The following ANKRD44 variants were observed in gnomAD, a reference collection of about 807,000 sequenced individuals.
ANKRD44 encodes the protein serine/threonine-protein phosphatase 6 regulatory ankyrin repeat subunit B.
ANKRD44 carries 35 observed loss-of-function variants against 116.0 expected under a neutral mutation model. The observed-to-expected ratio is 0.30, with a 90% confidence interval of 0.23 to 0.40. The LOEUF (loss-of-function observed/expected upper bound fraction) is 0.40, where lower values mean the gene tolerates loss of function less well. Among genes scored for constraint, ANKRD44 ranks in the 10% least tolerant of loss-of-function variants. The probability of loss-of-function intolerance (pLI) is 1.00; values close to 1 mark genes in which losing one functional copy is unlikely to be tolerated. For synonymous variants in ANKRD44, 435 were observed against 461.8 expected (o/e 0.94, Z 0.74); for missense variants, 1,014 against 1,242.6 (o/e 0.82, Z 2.77).
chr2:197,045,493 A>T (rs1283687912), intron 16 of ANKRD44, among the ~76,000 whole-genome samples: 1 of 152,140 alleles, frequency 6.6e-6, no homozygotes, highest in Non-Finnish European at 1.5e-5. Flanking sequence ...CACCCCTGTT[A>T]TTCATTCATA....
intron 1 of ANKRD44, among the ~76,000 whole-genome samples, chr2:197,269,235 T>C (rs903069061): frequency 3.3e-5 from 5 of 152,238 alleles, no homozygotes; most frequent in African/African-American, 9.6e-5. Flanking sequence ...CCTGTTCCAG[T>C]GTAAACTGGC....
At chr2:197,294,134 T>G (rs1335196682) in intron 1 of ANKRD44, among the ~76,000 whole-genome samples, 2 of 152,192 alleles carry the variant, frequency 1.3e-5, no homozygotes, top group South Asian at 2.1e-4. Flanking sequence ...ACCAGACAAT[T>G]TATAATATTG....
intron 16 of ANKRD44, chr2:197,078,445 G>T: frequency 1.1e-6 from 1 of 934,224 alleles, no homozygotes; most frequent in Non-Finnish European, 1.5e-6. Context: ...AAATGGTACT[G>T]CCTTATATCG....
rs375105826 is a variant in ANKRD44, at chr2:197,008,948, C to G, written c.2008G>C (p.Gly670Arg). 5 of 1,613,944 alleles carry G rather than the reference C, an allele frequency of 3.1e-6. No homozygotes were observed. Among genetic ancestry groups the G allele is most frequent in the Non-Finnish European group, 4.2e-6 (5 of 1,179,948 alleles). ...PEAVDVKDAK[G>R]QTPLMLAVAY... Reference sequence around the variant, plus strand: ...GCCACGTGTGAGCGCACTTACTGTCCTTTGGCATCTTTCACATCGACCGCC... The same window carrying G: ...GCCACGTGTGAGCGCACTTACTGTCGTTTGGCATCTTTCACATCGACCGCC... The change falls in exon 19 of 28, where the codon GGA becomes CGA. Residue 670 changes from glycine to arginine, a missense_variant. Coordinates refer to ENST00000282272, the MANE Select transcript of ANKRD44 (RefSeq NM_001195144.2).
intron 13 of ANKRD44, among the ~76,000 whole-genome samples, chr2:197,084,601 T>A (rs2077877328): frequency 1.3e-5 from 2 of 152,156 alleles, no homozygotes; most frequent in Admixed American, 1.3e-4. Context: ...CTAAATCACA[T>A]CCCCTCTCTG....
At chr2:197,242,038 G>A (rs1230323063) in intron 1 of ANKRD44, among the ~76,000 whole-genome samples, 2 of 152,002 alleles carry the variant, frequency 1.3e-5, no homozygotes, top group South Asian at 2.1e-4. Context: ...TTGCTAGGGT[G>A]CATTATAAGT....
chr2:197,204,538 G>C (rs963856573), intron 1 of ANKRD44, among the ~76,000 whole-genome samples: 1 of 152,168 alleles, frequency 6.6e-6, no homozygotes, highest in Non-Finnish European at 1.5e-5. Flanking sequence ...AGTGGTGAAG[G>C]CTGCAACAAT....
intron 1 of ANKRD44, among the ~76,000 whole-genome samples, chr2:197,301,829 A>G (rs1394785981): frequency 3.9e-5 from 6 of 152,244 alleles, no homozygotes; most frequent in African/African-American, 1.4e-4. Context: ...TTGTCCTGTT[A>G]TCTATATCTT....
At position 197,104,088 on chromosome 2, in the gene ANKRD44, A is replaced by G. The variant is rs1297940393; in HGVS notation, c.986-4158T>C. On this transcript the variant is annotated intron_variant, in intron 9 of 27. Coordinates refer to ENST00000282272, the MANE Select transcript of ANKRD44 (RefSeq NM_001195144.2). ...AACACAGGAATGAACATATTTACAA[A>G]TAGTCTTTACATTTCAGATGATTTC... 2.0e-5 allele frequency among the ~76,000 whole-genome samples: 3 copies of G among 152,142 alleles called. No individual in the cohort carries two copies. The East Asian group carries it at 5.8e-4, about 29-fold the overall frequency.
chr2:197,141,854 A>C (rs1307860251), intron 3 of ANKRD44, among the ~76,000 whole-genome samples: 3 of 152,178 alleles, frequency 2.0e-5, no homozygotes, highest in African/African-American at 7.2e-5. Flanking sequence ...CACTTTCAAG[A>C]GTCTTGTTTA....
intron 3 of ANKRD44, among the ~76,000 whole-genome samples, chr2:197,137,351 G>A (rs913564527): frequency 2.2e-4 from 33 of 152,194 alleles, no homozygotes; most frequent in Non-Finnish European, 3.1e-4. Flanking sequence ...TGAGGACAGA[G>A]AGTGGAGAAA....
chr2:197,056,723 G>T (rs1178061032), intron 16 of ANKRD44, among the ~76,000 whole-genome samples: 1 of 151,990 alleles, frequency 6.6e-6, no homozygotes, highest in Admixed American at 6.6e-5. Context: ...AGTTAAATTT[G>T]TTTTTCTTGC....
At chr2:197,023,493 T>C (rs1284515125) in intron 17 of ANKRD44, among the ~76,000 whole-genome samples, 1 of 151,916 alleles carries the variant, frequency 6.6e-6, no homozygotes, top group Non-Finnish European at 1.5e-5. Context: ...TTAAATGATA[T>C]CACCACCCTA....
intron 16 of ANKRD44, among the ~76,000 whole-genome samples, chr2:197,036,290 ACT>A (rs968375454): frequency 1.5e-4 from 23 of 152,074 alleles, no homozygotes; most frequent in African/African-American, 5.1e-4. Context: ...ACAGAGTCTC[ACT>A]CTGTCACCCA....
At chr2:197,101,484 AAC>A (rs1211417890) in intron 9 of ANKRD44, among the ~76,000 whole-genome samples, 1 of 152,350 alleles carries the variant, frequency 6.6e-6, no homozygotes, top group East Asian at 1.9e-4. Context: ...TGGGAAAAGA[AAC>A]AGCCCTGAAA....
chr2:197,143,532 G>A (rs901577943), intron 3 of ANKRD44, among the ~76,000 whole-genome samples: 15 of 151,838 alleles, frequency 9.9e-5, no homozygotes, highest in African/African-American at 2.4e-4. Flanking sequence ...ACATGAACAC[G>A]TCATTTTTTA....
At chr2:197,247,214 G>A (rs1208170395) in intron 1 of ANKRD44, among the ~76,000 whole-genome samples, 1 of 152,088 alleles carries the variant, frequency 6.6e-6, no homozygotes, top group East Asian at 1.9e-4. Flanking sequence ...TGAACATGAC[G>A]CCAGGCAGCA....
chr2:197,017,185 C>A (rs1346179857), intron 17 of ANKRD44, among the ~76,000 whole-genome samples: 1 of 152,062 alleles, frequency 6.6e-6, no homozygotes, highest in Admixed American at 6.5e-5. Context: ...ATCTATCAAA[C>A]TTTTTAAAAA....
intron 1 of ANKRD44, among the ~76,000 whole-genome samples, chr2:197,281,143 TTC>T (rs2083252976): frequency 6.6e-6 from 1 of 152,146 alleles, no homozygotes; most frequent in African/African-American, 2.4e-5. Flanking sequence ...CTAAAGTGAG[TTC>T]TGTCTATTAA....
Sources: gnomAD v4.1 joint callset for allele counts (sites outside exome capture counted in the v4.1 genomes callset) on GRCh38, gnomAD v4.1.1 for gene constraint, MANE v1.5 for transcripts, NCBI Gene and HGNC (gene_info 2026-07-23, HGNC 2026-07-21) for gene names.